AHI1: variants seen among roughly 807,000 people sequenced by gnomAD.
AHI1 encodes jouberin.
In AHI1, 123 loss-of-function variants were observed where a neutral mutation model predicts 149.3. The observed-to-expected ratio is 0.82, with a 90% CI of 0.71 to 0.96. The LOEUF is 0.96. Among genes scored for constraint, AHI1 ranks in the 40% least tolerant of loss-of-function variants. The pLI is 0.00. For synonymous variants in AHI1, 475 were observed against 459.8 expected, an observed-to-expected ratio of 1.03 and a Z score of -0.42; for missense variants, 1,439 against 1,422.7, an observed-to-expected ratio of 1.01 and a Z score of -0.18.
chr6:135,318,673 G>A, intron 25 of AHI1, 57 bp from the exon 26 acceptor site: 1 of 1,026,562 alleles, frequency 9.7e-7, no homozygotes, highest in Non-Finnish European at 1.4e-6. Flanking sequence ...CTCCATGGGG[G>A]AAAAACAACG....
intron 26 of AHI1, among the ~76,000 whole-genome samples, chr6:135,315,715 A>C (rs552114616): frequency 6.6e-6 from 1 of 152,146 alleles, no homozygotes; most frequent in Non-Finnish European, 1.5e-5. Flanking sequence ...AAATCTTTTT[A>C]TATGTCCTAA....
chr6:135,466,837 C>T lies in AHI1; in HGVS notation c.190-464G>A, dbSNP rs150346855. Among the ~76,000 whole-genome samples the T allele has an allele frequency of 1.1e-3, 161 of 152,194 alleles. 1 individual carries two copies. Among genetic ancestry groups the T allele is most frequent in the Admixed American group, 2.1e-3 (32 of 15,280 alleles). On this transcript the variant is annotated intron_variant, in intron 6 of 28. Coordinates refer to ENST00000265602, the MANE Select transcript of AHI1 (RefSeq NM_001134831.2). ...GCAAAAGTCTACAGCTCTAAGATCACCCTGCAGTAAATCTAAGTGTATCAC... is the reference window on the plus strand; with the variant it reads ...GCAAAAGTCTACAGCTCTAAGATCATCCTGCAGTAAATCTAAGTGTATCAC...
At chr6:135,367,142 A>C (rs952550145) in intron 23 of AHI1, among the ~76,000 whole-genome samples, 2 of 152,150 alleles carry the variant, frequency 1.3e-5, no homozygotes, top group African/African-American at 2.4e-5. Flanking sequence ...TGGATACAAA[A>C]TTCTTGGCTG....
chr6:135,333,132 C>T (rs1788847428), intron 24 of AHI1, among the ~76,000 whole-genome samples: 1 of 152,136 alleles, frequency 6.6e-6, no homozygotes, highest in Non-Finnish European at 1.5e-5. Flanking sequence ...CTTAGGATTA[C>T]TGGTACAATT....
At chr6:135,294,698 C>CAAAAAAAAAAAAAAAAAAAA (rs56734547) in intron 27 of AHI1, among the ~76,000 whole-genome samples, 8 of 68,014 alleles carry the variant, frequency 1.2e-4, no homozygotes, top group Admixed American at 5.6e-4. Flanking sequence ...TCTCCAAATG[C>CAAAAAAAAAAAAAAAAAAAA]AAAAAAAAAA....
chr6:135,397,064 A>T (rs113455948), intron 22 of AHI1, among the ~76,000 whole-genome samples: 1,847 of 152,028 alleles, frequency 0.012, 40 homozygotes, highest in African/African-American at 0.041. Flanking sequence ...TATAATTCTG[A>T]TCTTTCTTGA....
intron 23 of AHI1, among the ~76,000 whole-genome samples, chr6:135,386,908 T>G (rs1313199562): frequency 6.6e-6 from 1 of 152,150 alleles, no homozygotes; most frequent in Non-Finnish European, 1.5e-5. Flanking sequence ...TCATAAGGCA[T>G]GAGCCACCCC....
chr6:135,488,197 G>A (rs1254395438), intron 5 of AHI1, among the ~76,000 whole-genome samples: 1 of 152,132 alleles, frequency 6.6e-6, no homozygotes, highest in Non-Finnish European at 1.5e-5. Flanking sequence ...TGGAATGCAG[G>A]ATGACTCATC....
In AHI1 at chr6:135,359,595, C is replaced by T. The variant is rs138034307; in HGVS notation, c.3110-1408G>A. ...TATAGAGAGAATAAATTGAGAAATC[C>T]CAACTTTGTCAGCCCCTACAGTCTC... On this transcript the variant is annotated intron_variant, in intron 23 of 28. Transcript: ENST00000265602. Among the ~76,000 whole-genome samples, 343 of 151,996 alleles carry T rather than the reference C, an allele frequency of 2.3e-3. 1 individual carries two copies. Among genetic ancestry groups the T allele is most frequent in the African/African-American group, 8.0e-3 (331 of 41,450 alleles).
rs2128135767 is a variant in AHI1 at position 135,491,923 on chromosome 6, G to C, written c.10+305C>G. Among the ~76,000 whole-genome samples the C allele has an allele frequency of 2.0e-5, 3 of 152,336 alleles. No homozygotes were observed. In the Middle Eastern group the frequency reaches 0.01, roughly 518 times the overall value. ...AGCCCTTTTAGAAAAGATTGCCAATGCTTGTGGTGGAGTAAAACATTCAAT... is the reference window on the plus strand; with the variant it reads ...AGCCCTTTTAGAAAAGATTGCCAATCCTTGTGGTGGAGTAAAACATTCAAT... On this transcript the variant is annotated intron_variant, in intron 4 of 28. Transcript: ENST00000265602.
At chr6:135,419,766 C>G (rs1270298460) in intron 20 of AHI1, among the ~76,000 whole-genome samples, 1 of 152,054 alleles carries the variant, frequency 6.6e-6, no homozygotes, top group Non-Finnish European at 1.5e-5. Context: ...GCAATTTACA[C>G]AACAATGAAA....
Position 135,290,460 on chromosome 6 carries a change from T to C in AHI1, c.3551A>G (p.Lys1184Arg). Residue 1184 changes from lysine (K) to arginine (R), a missense_variant, in exon 28 of 29, where the codon AAG (lysine) becomes AGG (arginine). Lys to Arg is a conservative substitution (Grantham distance 26, BLOSUM62 2). Transcript: ENST00000265602. The part of the protein sequence containing the change: ...QGHIMDTRMR[K>R]NKQAGRKVTL... ...GACTTTTCTGCCTGCTTGCTTGTTC[T>C]TCCTCATCCGTGTATCCATTATGTG... 2 of 1,613,186 alleles carry C rather than the reference T, an allele frequency of 1.2e-6. No homozygotes were observed. The highest frequency in any genetic ancestry group is 1.7e-6 in the Non-Finnish European group (2 of 1,179,124).
chr6:135,413,954 C>T (rs774060635), intron 20 of AHI1, among the ~76,000 whole-genome samples: 40 of 152,192 alleles, frequency 2.6e-4, no homozygotes, highest in South Asian at 6.2e-4. Context: ...CAGTCCCACT[C>T]AAAATTCCAG....
chr6:135,298,157 T>C (rs1783381577), intron 27 of AHI1, among the ~76,000 whole-genome samples: 1 of 152,070 alleles, frequency 6.6e-6, no homozygotes, highest in South Asian at 2.1e-4. Context: ...GCAGATAATA[T>C]ATGAAGAACA....
chr6:135,291,400 T>G (rs898870601), intron 27 of AHI1, among the ~76,000 whole-genome samples: 28 of 151,826 alleles, frequency 1.8e-4, no homozygotes, highest in African/African-American at 6.8e-4. Context: ...GTCAGAAGAG[T>G]GGGGTTCTAA....
At chr6:135,318,357 C>T in intron 26 of AHI1, 162 bp downstream of exon 26, 1 of 592,188 alleles carries the variant, frequency 1.7e-6, no homozygotes, top group South Asian at 2.3e-5. Flanking sequence ...TGGAAAATGG[C>T]TATAACGTTT....
chr6:135,411,440 G>A lies in AHI1; in HGVS notation c.2869C>T (p.His957Tyr). 6.2e-7 allele frequency: 1 copy of A among 1,613,784 alleles called. No homozygotes were observed. The highest frequency in any genetic ancestry group is 8.5e-7 in the Non-Finnish European group (1 of 1,179,710). ...TCATCAATCTGAAAAGAGCCTTGAT[G>A]GGGTAGTTTTGGACAGGTACATAGG... ...DALCTCPKLP[H>Y]QGSFQIDEFV... Residue 957 changes from histidine (H) to tyrosine (Y), a missense_variant, in exon 21 of 29, where the codon CAT (histidine) becomes TAT (tyrosine). Coordinates refer to ENST00000265602, the MANE Select transcript of AHI1 (RefSeq NM_001134831.2).
At chr6:135,383,087 T>A (rs1182389218) in intron 23 of AHI1, among the ~76,000 whole-genome samples, 1 of 149,626 alleles carries the variant, frequency 6.7e-6, no homozygotes, top group Non-Finnish European at 1.5e-5. Flanking sequence ...GAAAAAGACC[T>A]TTTATTTTGT....
intron 4 of AHI1, among the ~76,000 whole-genome samples, chr6:135,491,854 T>C (rs944481060): frequency 3.3e-5 from 5 of 152,106 alleles, no homozygotes; most frequent in African/African-American, 1.2e-4. Context: ...AGAGACAGAG[T>C]TGAGCAGTTA....
Sources: allele counts gnomAD v4.1 joint callset (sites outside exome capture counted in the v4.1 genomes callset), GRCh38; gene constraint gnomAD v4.1.1; transcripts MANE v1.5; gene names NCBI Gene and HGNC (gene_info 2026-07-23, HGNC 2026-07-21).